The following FBXW7 variants were observed in gnomAD, a reference collection of about 807,000 sequenced individuals.
FBXW7 encodes F-box and WD repeat domain containing 7, also known as F-box/WD repeat-containing protein 7.
In FBXW7, 11 loss-of-function variants were observed where a neutral mutation model predicts 86.3. The ratio of observed to expected loss-of-function variants is 0.13; its 90% CI spans 0.08 to 0.21. FBXW7 has a LOEUF of 0.21. FBXW7 is among the 10% of genes least tolerant of loss of function. The pLI is 1.00. For synonymous variants in FBXW7, 313 were observed against 297.9 expected (o/e 1.05, Z -0.52); for missense variants, 488 against 847.4 (o/e 0.58, Z 5.27).
At chr4:152,526,315 A>C (rs1749510725) in intron 2 of FBXW7, among the ~76,000 whole-genome samples, 1 of 152,204 alleles carries the variant, frequency 6.6e-6, no homozygotes, top group South Asian at 2.1e-4. Context: ...CCAATGAAGG[A>C]AAGCATACCA....
intron 2 of FBXW7, among the ~76,000 whole-genome samples, chr4:152,459,352 C>G (rs1478338390): frequency 6.6e-6 from 1 of 152,132 alleles, no homozygotes; most frequent in East Asian, 1.9e-4. Context: ...CCTAGTAAAC[C>G]AGATTTCATC....
chr4:152,382,009 T>A (rs898079922), intron 4 of FBXW7, among the ~76,000 whole-genome samples: 1 of 152,172 alleles, frequency 6.6e-6, no homozygotes, highest in Non-Finnish European at 1.5e-5. Flanking sequence ...GGTAACCCTA[T>A]CTTCTAGGCT....
intron 2 of FBXW7, among the ~76,000 whole-genome samples, chr4:152,473,647 A>T (rs543650636): frequency 1.7e-4 from 25 of 149,988 alleles, no homozygotes; most frequent in African/African-American, 6.1e-4. Context: ...CGCCTGCCTA[A>T]TTTTTTTTTT....
chr4:152,378,172 A>G (rs1176129742), intron 4 of FBXW7, among the ~76,000 whole-genome samples: 3 of 152,196 alleles, frequency 2.0e-5, no homozygotes, highest in Non-Finnish European at 4.4e-5. Flanking sequence ...ATTTAAGATG[A>G]CGATACATAA....
rs904642274 is a variant in FBXW7 at position 152,390,576 on chromosome 4, T to A, written c.501+20727A>T. On this transcript the variant is annotated intron_variant, in intron 4 of 13. Transcript: ENST00000281708. ...CTCATGTAATGACAGAGTAAGTGAT[T>A]TAAAGTAACCTAATTTTCCATAATT... Among the ~76,000 whole-genome samples, 6 of 152,058 alleles carry A rather than the reference T, an allele frequency of 3.9e-5. No individual in the cohort carries two copies. The East Asian group carries it at 1.2e-3, about 29-fold the overall frequency.
At chr4:152,512,882 C>T (rs762187570) in intron 2 of FBXW7, among the ~76,000 whole-genome samples, 16 of 152,152 alleles carry the variant, frequency 1.1e-4, no homozygotes, top group African/African-American at 2.7e-4. Context: ...TTATTTGAGA[C>T]GGAGTTTTGC....
chr4:152,472,676 G>A (rs1158756818), intron 2 of FBXW7, among the ~76,000 whole-genome samples: 1 of 152,140 alleles, frequency 6.6e-6, no homozygotes, highest in Non-Finnish European at 1.5e-5. Context: ...CTCCTGAGAA[G>A]CTGATATCTT....
intron 4 of FBXW7, among the ~76,000 whole-genome samples, chr4:152,384,058 C>A (rs1056864562): frequency 1.3e-5 from 2 of 152,086 alleles, no homozygotes; most frequent in Admixed American, 6.6e-5. Context: ...GAAATCAGAA[C>A]CCTTGTGCAT....
intron 2 of FBXW7, among the ~76,000 whole-genome samples, chr4:152,439,069 T>G (rs1049322422): frequency 6.6e-6 from 1 of 152,166 alleles, no homozygotes; most frequent in Non-Finnish European, 1.5e-5. Flanking sequence ...AAGACAGAGC[T>G]TAAGCAATAC....
intron 2 of FBXW7, among the ~76,000 whole-genome samples, chr4:152,532,525 A>T (rs1043613007): frequency 4.6e-5 from 7 of 152,218 alleles, no homozygotes; most frequent in Non-Finnish European, 7.3e-5. Flanking sequence ...CCTTCAAACC[A>T]GCTTCGTAAT....
At chr4:152,510,295 C>CT (rs1319999295) in intron 2 of FBXW7, among the ~76,000 whole-genome samples, 1 of 152,112 alleles carries the variant, frequency 6.6e-6, no homozygotes, top group African/African-American at 2.4e-5. Context: ...TATATCTGTA[C>CT]TACTAAATTT....
At chr4:152,339,872 A>C (rs981088143) in intron 6 of FBXW7, among the ~76,000 whole-genome samples, 1 of 144,930 alleles carries the variant, frequency 6.9e-6, no homozygotes, top group Non-Finnish European at 1.5e-5. Flanking sequence ...GCAACGAGCT[A>C]TGATCATGCC....
rs2126516449 is a variant in FBXW7 at position 152,328,379 on chromosome 4, G to C, written c.1247C>G (p.Thr416Arg). 6.6e-7 allele frequency: 1 copy of C among 1,517,694 alleles called. No homozygotes were observed. Among genetic ancestry groups the C allele is most frequent in the Non-Finnish European group, 8.8e-7 (1 of 1,135,764 alleles). 94.0% of individuals were successfully genotyped at this position (1,517,694 alleles called of 1,614,324 possible). ...WSAVTGKCLRTLVGHTGGVWS... is the reference protein window; with the variant it reads ...WSAVTGKCLRRLVGHTGGVWS... ...TACTCCACCTGTATGTCCCACTAAT[G>C]TTCTCAGACACTGGAAAAACACTTA... Residue 416 changes from threonine to arginine, a missense_variant, in exon 11 of 14, where the codon ACA (threonine) becomes AGA (arginine). Coordinates refer to ENST00000281708, the MANE Select transcript of FBXW7 (RefSeq NM_001349798.2).
chr4:152,374,038 A>G (rs907565692), intron 4 of FBXW7, among the ~76,000 whole-genome samples: 9 of 152,178 alleles, frequency 5.9e-5, no homozygotes, highest in East Asian at 1.9e-4. Context: ...GACCATAAAA[A>G]ACACCAAAGG....
At chr4:152,493,035 A>C (rs576988215) in intron 2 of FBXW7, among the ~76,000 whole-genome samples, 1 of 152,010 alleles carries the variant, frequency 6.6e-6, no homozygotes, top group African/African-American at 2.4e-5. Context: ...AAAATACCAA[A>C]GGACCAAGAC....
intron 3 of FBXW7, 93 bp from the exon 4 acceptor site, chr4:152,411,965 T>C: frequency 8.3e-7 from 1 of 1,208,336 alleles, no homozygotes; most frequent in Non-Finnish European, 1.1e-6. Flanking sequence ...ATATCATTAA[T>C]GATTGCAAAA....
rs534035579 is a variant in FBXW7 at position 152,332,724 on chromosome 4, G to GA, written c.862-6dup. 111 of 1,540,942 alleles carry GA rather than the reference G, an allele frequency of 7.2e-5. No individual in the cohort carries two copies. In the African/African-American group the frequency reaches 1.4e-3, roughly 19 times the overall value. On this transcript the variant is annotated splice_region_variant and splice_polypyrimidine_tract_variant and intron_variant, in intron 7 of 13. Transcript: ENST00000281708. The stretch of plus-strand genomic sequence containing the variant: ...TGAAAGCACATAGAGTGCCAACTAA[G>GA]AAAAAAATGCATAGTATAATACCCA...
intron 4 of FBXW7, among the ~76,000 whole-genome samples, chr4:152,360,853 A>AT (rs1160551022): frequency 6.8e-6 from 1 of 148,074 alleles, no homozygotes. Context: ...ATATATATAT[A>AT]AAATATAGTA....
intron 2 of FBXW7, among the ~76,000 whole-genome samples, chr4:152,474,435 T>A (rs1744219759): frequency 6.6e-6 from 1 of 152,218 alleles, no homozygotes; most frequent in Non-Finnish European, 1.5e-5. Flanking sequence ...GGTAAAGGTT[T>A]TTAAAAAGCA....
Sources: gnomAD v4.1 joint callset for allele counts (sites outside exome capture counted in the v4.1 genomes callset) on GRCh38, gnomAD v4.1.1 for gene constraint, MANE v1.5 for transcripts, NCBI Gene and HGNC (gene_info 2026-07-23, HGNC 2026-07-21) for gene names.